CSMD2: variants seen among roughly 807,000 people sequenced by gnomAD.
The protein encoded by CSMD2 is CUB and Sushi multiple domains 2.
Under a neutral mutation model 398.5 loss-of-function variants are expected in CSMD2, and 130 were observed. That is an observed-to-expected ratio of 0.33 (90% CI 0.28 to 0.38). CSMD2 has a LOEUF of 0.38. CSMD2 is among the 10% of genes least tolerant of loss of function. CSMD2 has a pLI of 1.00. For missense variants in CSMD2, 3,829 were observed against 4,764.9 expected (o/e 0.80, Z 5.78); for synonymous variants, 1,828 against 1,908.5 (o/e 0.96, Z 1.10).
chr1:33,671,298 C>A (rs1644488779), intron 25 of CSMD2, among the ~76,000 whole-genome samples: 2 of 152,128 alleles, frequency 1.3e-5, no homozygotes, highest in Admixed American at 6.5e-5. Context: ...CATCCTAAGT[C>A]TGGTATCTGG....
chr1:33,863,275 T>C lies in CSMD2; in HGVS notation c.921-16279A>G, dbSNP rs532240740. ...CTCCAATTGAAAGACTAGTGGAATA[T>C]CTGCAATTACTTTGACCAAAAGCCA... On this transcript the variant is annotated intron_variant, in intron 5 of 70. Transcript: ENST00000373381. 7 of 152,332 alleles carry C rather than the reference T, an allele frequency of 4.6e-5. No homozygotes were observed. In the East Asian group the frequency reaches 1.3e-3, roughly 29 times the overall value. The allele number at this position is 152,332 out of a possible 1,614,324, so 9.4% of individuals were successfully genotyped here.
intron 3 of CSMD2, among the ~76,000 whole-genome samples, chr1:33,987,423 A>G (rs575078751): frequency 1.3e-5 from 2 of 152,284 alleles, no homozygotes; most frequent in South Asian, 4.1e-4. Flanking sequence ...TGACTTGCCC[A>G]AGGTCACCCT....
chr1:33,937,349 A>G (rs1644511838), intron 3 of CSMD2, among the ~76,000 whole-genome samples: 1 of 152,176 alleles, frequency 6.6e-6, no homozygotes, highest in African/African-American at 2.4e-5. Flanking sequence ...GAGATTAGTA[A>G]GACTTAGCTA....
chr1:33,743,320 G>GCCCC lies in CSMD2; in HGVS notation c.2132_2133insGGGG (p.Asp711GlufsTer49). The GCCCC allele has an allele frequency of 6.2e-7, 1 of 1,613,560 alleles. No individual in the cohort carries two copies. The highest frequency in any genetic ancestry group is 8.5e-7 in the Non-Finnish European group (1 of 1,179,732). ...TGAAGCCCCTCTTCCCTGTGGAGTG[G>GCCCC]TCAGTCTGGAACTCGAGACGGGCCA... On this transcript the variant is annotated frameshift_variant, in exon 14 of 71. Coordinates refer to ENST00000373381, the MANE Select transcript of CSMD2 (RefSeq NM_001281956.2). LOFTEE classifies it high-confidence loss of function.
intron 3 of CSMD2, among the ~76,000 whole-genome samples, chr1:33,938,082 T>C (rs1558132036): frequency 6.6e-6 from 1 of 152,364 alleles, no homozygotes; most frequent in East Asian, 1.9e-4. Flanking sequence ...CTTGGCACAG[T>C]GGGGCCAGCC....
intron 24 of CSMD2, among the ~76,000 whole-genome samples, chr1:33,696,412 C>G (rs909595439): frequency 6.6e-5 from 10 of 152,186 alleles, no homozygotes; most frequent in African/African-American, 2.4e-4. Flanking sequence ...AGACCCTCTG[C>G]TCAAGCTTCA....
chr1:33,793,738 T>C (rs1364209770), intron 10 of CSMD2, among the ~76,000 whole-genome samples: 7 of 151,706 alleles, frequency 4.6e-5, no homozygotes, highest in Admixed American at 3.9e-4. Context: ...AGGTGAACGA[T>C]GGAAGAGTAG....
In CSMD2 at chr1:33,875,079, C is replaced by T. The variant is rs987039217; in HGVS notation, c.921-28083G>A. On this transcript the variant is annotated intron_variant, in intron 5 of 70. Transcript: ENST00000373381. The stretch of plus-strand genomic sequence containing the variant: ...TCATCAGTCCACTGCTCATCTAGCC[C>T]CCACTCCCACCCCTCTATGCTGTCT... 3.3e-5 allele frequency among the ~76,000 whole-genome samples: 5 copies of T among 152,302 alleles called. No individual in the cohort carries two copies. The East Asian group carries it at 9.7e-4, about 29-fold the overall frequency.
Position 34,080,874 on chromosome 1 carries a change from T to C in CSMD2, c.404+8103A>G, listed in dbSNP as rs544631509. 8.8e-5 allele frequency among the ~76,000 whole-genome samples: 13 copies of C among 147,638 alleles called. No individual in the cohort carries two copies. In the East Asian group the frequency reaches 2.6e-3, roughly 30 times the overall value. On this transcript the variant is annotated intron_variant, in intron 2 of 70. Transcript: ENST00000373381. ...ATGGATCACCCTAGCATTGGAACTTTAAAAAGACCAATAAAATAGGCAAAC... is the reference window on the plus strand; with the variant it reads ...ATGGATCACCCTAGCATTGGAACTTCAAAAAGACCAATAAAATAGGCAAAC...
intron 3 of CSMD2, among the ~76,000 whole-genome samples, chr1:34,020,367 T>C (rs1648705087): frequency 6.6e-6 from 1 of 152,178 alleles, no homozygotes; most frequent in Non-Finnish European, 1.5e-5. Flanking sequence ...GATAAAGGTC[T>C]TGAGGGATAA....
At position 33,633,239 on chromosome 1, in the gene CSMD2, C is replaced by T. The variant is rs1218316125; in HGVS notation, c.5200+183G>A. Among the ~76,000 whole-genome samples the T allele has an allele frequency of 6.6e-6, 1 of 152,182 alleles. No individual in the cohort carries two copies. Among genetic ancestry groups the T allele is most frequent in the African/African-American group, 2.4e-5 (1 of 41,458 alleles). On this transcript the variant is annotated intron_variant, in intron 32 of 70. Transcript: ENST00000373381. This position sits in a 1 kb window ranked among gnomAD's most constrained non-coding sequence, Gnocchi z 5.0. Reference sequence around the variant, plus strand: ...TCTGGGTGAGGGCAGCTGCTGAAGGCCCCGCTAGTTGGAGCTCTCACGAGC... The same window carrying T: ...TCTGGGTGAGGGCAGCTGCTGAAGGTCCCGCTAGTTGGAGCTCTCACGAGC...
At position 33,542,880 on chromosome 1, in the gene CSMD2, G is replaced by T. The variant is rs1191030332; in HGVS notation, c.9117C>A (p.Asn3039Lys). 1 of 1,614,120 alleles carries T rather than the reference G, an allele frequency of 6.2e-7. No individual in the cohort carries two copies. Among genetic ancestry groups the T allele is most frequent in the Non-Finnish European group, 8.5e-7 (1 of 1,179,990 alleles). The stretch of plus-strand genomic sequence containing the variant: ...CTCGGGCATTACTTGGAGTCCCAGG[G>T]TTCCCACAAGAGATCACTAGGAAGA... ...QPECGVISCG[N>K]PGTPSNARVV... Residue 3039 changes from asparagine (N) to lysine (K), a missense_variant, in exon 58 of 71, where the codon AAC (asparagine) becomes AAA (lysine). This residue lies in a region of CSMD2 where 917 missense variants were observed against 1,199.5 expected (regional missense o/e 0.76). Transcript: ENST00000373381.
chr1:33,743,491 G>C lies in CSMD2; in HGVS notation c.1962C>G (p.Ser654Arg). The C allele has an allele frequency of 6.2e-7, 1 of 1,614,092 alleles. No homozygotes were observed. Among genetic ancestry groups the C allele is most frequent in the Non-Finnish European group, 8.5e-7 (1 of 1,180,028 alleles). ...CVWLILARPE[S>R]RIHLAFNDID... is the part of the protein sequence containing the mutation. ...TGTCGTTGAAGGCCAGGTGGATGCG[G>C]CTCTCAGGCCTGGCCAGGATGAGCC... is the stretch of plus-strand genomic sequence containing the variant. Residue 654 changes from serine (S) to arginine (R), a missense_variant, in exon 14 of 71, where the codon AGC (serine) becomes AGG (arginine). Transcript: ENST00000373381.
chr1:34,021,704 C>A (rs540894533), intron 3 of CSMD2, among the ~76,000 whole-genome samples: 1 of 152,126 alleles, frequency 6.6e-6, no homozygotes, highest in African/African-American at 2.4e-5. Context: ...AGACTTGGAG[C>A]CAAGAGAATA....
intron 1 of CSMD2, among the ~76,000 whole-genome samples, chr1:34,092,498 A>C (rs549190598): frequency 6.6e-6 from 1 of 152,254 alleles, no homozygotes; most frequent in East Asian, 1.9e-4. Flanking sequence ...CTGAGGTACC[A>C]GGTTCATCTC....
chr1:34,014,018 T>G (rs12090783), intron 3 of CSMD2, among the ~76,000 whole-genome samples: 17,592 of 152,140 alleles, frequency 0.12, 1,157 homozygotes, highest in East Asian at 0.26. Flanking sequence ...AGCTCCATAC[T>G]GCCCGTTGAT....
chr1:33,616,965 T>A lies in CSMD2; in HGVS notation c.5957A>T (p.His1986Leu), dbSNP rs141686034. The A allele has an allele frequency of 1.5e-4, 247 of 1,613,964 alleles. No individual in the cohort carries two copies. Among genetic ancestry groups the A allele is most frequent in the Non-Finnish European group, 2.0e-4 (240 of 1,179,990 alleles). Reference protein sequence around the residue: ...EPGYALQGHAHISCMPGTVRR... With the variant: ...EPGYALQGHALISCMPGTVRR... ...CACTGTTCCGGGCATGCAGGAGATG[T>A]GGGCGTGGCCCTGGAGGAATCAGGA... The change falls in exon 39 of 71, where the codon CAC (histidine) becomes CTC (leucine). Residue 1986 changes from histidine to leucine, a missense_variant. Physicochemically the swap from His to Leu is moderately conservative, Grantham distance 99. This residue lies in a region of CSMD2 where 2,001 missense variants were observed against 2,567.1 expected (regional missense o/e 0.78). Coordinates refer to ENST00000373381, the MANE Select transcript of CSMD2 (RefSeq NM_001281956.2).
chr1:33,627,196 G>T (rs1370698162), intron 32 of CSMD2, among the ~76,000 whole-genome samples: 2 of 152,156 alleles, frequency 1.3e-5, no homozygotes, highest in Non-Finnish European at 2.9e-5. Flanking sequence ...GGCAAACCAG[G>T]ATGTACTATT....
chr1:33,605,404 T>C lies in CSMD2; in HGVS notation c.6410A>G (p.Tyr2137Cys). 1.2e-6 allele frequency: 2 copies of C among 1,614,206 alleles called. No individual in the cohort carries two copies. Among genetic ancestry groups the C allele is most frequent in the Non-Finnish European group, 1.7e-6 (2 of 1,180,030 alleles). The change falls in exon 42 of 71, where the codon TAC (tyrosine) becomes TGC (cysteine). Residue 2137 changes from tyrosine to cysteine, a missense_variant. By Grantham distance (194) the Tyr-to-Cys change is radical. This residue lies in a region of CSMD2 where 2,001 missense variants were observed against 2,567.1 expected (regional missense o/e 0.78). Coordinates refer to ENST00000373381, the MANE Select transcript of CSMD2 (RefSeq NM_001281956.2). ...GAAGGTCACTGATTGTCCCACGTTG[T>C]AGCCAGCTCCCCTCACAATGCCATT... ...FANGIVRGAGYNVGQSVTFEC... is the reference protein window; with the variant it reads ...FANGIVRGAGCNVGQSVTFEC...
Sources: allele counts gnomAD v4.1 joint callset (sites outside exome capture counted in the v4.1 genomes callset), GRCh38; gene constraint gnomAD v4.1.1; regional missense constraint gnomAD v4.1.1; non-coding constraint Gnocchi (gnomAD v3.1); transcripts MANE v1.5; gene names NCBI Gene and HGNC (gene_info 2026-07-23, HGNC 2026-07-21).